The following KCNQ2 variants were observed in gnomAD, a reference collection of about 807,000 sequenced individuals.
KCNQ2 encodes the protein potassium voltage-gated channel subfamily Q member 2, also known as potassium voltage-gated channel subfamily KQT member 2.
KCNQ2 carries 14 observed loss-of-function variants against 84.8 expected under a neutral mutation model. The ratio of observed to expected loss-of-function variants is 0.17; its 90% CI spans 0.11 to 0.26. The LOEUF is 0.26. Among genes scored for constraint, KCNQ2 ranks in the 10% least tolerant of loss-of-function variants. The pLI is 1.00. For missense variants in KCNQ2, 788 were observed against 1,254.0 expected (o/e 0.63, Z 5.61); for synonymous variants, 599 against 554.1 (o/e 1.08, Z -1.14).
In KCNQ2 at chr20:63,425,501, C is replaced by T. The variant is rs1421121991; in HGVS notation, c.1218-1295G>A. 6.6e-6 allele frequency among the ~76,000 whole-genome samples: 1 copy of T among 152,122 alleles called. No individual in the cohort carries two copies. Among genetic ancestry groups the T allele is most frequent in the Non-Finnish European group, 1.5e-5 (1 of 68,028 alleles). Reference sequence around the variant, plus strand: ...TTGGGAGGCCGAGGCGGGTGGATCACCTGAGGTCAGGAGTTCGAGACCAGC... The same window carrying T: ...TTGGGAGGCCGAGGCGGGTGGATCATCTGAGGTCAGGAGTTCGAGACCAGC... On this transcript the variant is annotated intron_variant, in intron 10 of 16. Coordinates refer to ENST00000359125, the MANE Select transcript of KCNQ2 (RefSeq NM_172107.4). This position sits in a 1 kb window ranked among gnomAD's most constrained non-coding sequence, Gnocchi z 5.5.
At chr20:63,462,798 G>A (rs576055972) in intron 1 of KCNQ2, among the ~76,000 whole-genome samples, 14 of 152,312 alleles carry the variant, frequency 9.2e-5, no homozygotes, top group Admixed American at 6.5e-4. Flanking sequence ...GTGAGCGCCC[G>A]ACGGAGCCTA....
chr20:63,450,453 C>A (rs1336774516), intron 1 of KCNQ2, among the ~76,000 whole-genome samples: 1 of 45,342 alleles, frequency 2.2e-5, no homozygotes, highest in Admixed American at 2.7e-4. Context: ...CTGTGGCTGC[C>A]CCATGCAAGG....
chr20:63,453,620 G>A (rs6122121), intron 1 of KCNQ2: 11,956 of 152,664 alleles, frequency 0.078, 1,022 homozygotes, highest in East Asian at 0.47. Context: ...GGGACACAGA[G>A]GGCATCACAC....
chr20:63,449,832 C>CG (rs1479100021), intron 1 of KCNQ2, among the ~76,000 whole-genome samples: 1 of 151,868 alleles, frequency 6.6e-6, no homozygotes, highest in Non-Finnish European at 1.5e-5. Flanking sequence ...GGCACAAACC[C>CG]GGGGCCCCCA....
intron 1 of KCNQ2, among the ~76,000 whole-genome samples, chr20:63,452,387 C>T (rs994722110): frequency 2.0e-5 from 3 of 152,200 alleles, no homozygotes; most frequent in Non-Finnish European, 4.4e-5. Flanking sequence ...CTTTTTCTTC[C>T]GGAAACCTCA....
Position 63,413,612 on chromosome 20 carries a change from T to C in KCNQ2, c.1632-31A>G, listed in dbSNP as rs765625957. 36 of 1,607,528 alleles carry C rather than the reference T, an allele frequency of 2.2e-5. No homozygotes were observed. The Middle Eastern group carries it at 6.6e-4, about 29-fold the overall frequency. ...GGGGGGTGGGTGGGGCTGTGAGCCC[T>C]GGGCCAGAGACCCCCGGCCACAGGC... On this transcript the variant is annotated intron_variant, in intron 14 of 16. Coordinates refer to ENST00000359125, the MANE Select transcript of KCNQ2 (RefSeq NM_172107.4).
At chr20:63,469,706 C>A (rs1056421425) in intron 1 of KCNQ2, among the ~76,000 whole-genome samples, 6 of 152,272 alleles carry the variant, frequency 3.9e-5, no homozygotes, top group African/African-American at 1.2e-4. Context: ...GCCTTCCCCC[C>A]ACTCCCGGCT....
rs552151799 is a variant in KCNQ2 at position 63,407,010 on chromosome 20, C to T, written c.2253G>A (p.Ser751=). ...RIPPPPAHER[S]LSAYGGGNRA... ...GGTTGCCCCCGCCGTAGGCGGACAG[C>T]GACCGCTCGTGGGCAGGCGGCGGCG... Residue 751 remains serine (S), a synonymous_variant, in exon 17 of 17, where the codon TCG becomes TCA. Transcript: ENST00000359125. This position sits in a 1 kb window ranked among gnomAD's most constrained non-coding sequence, Gnocchi z 7.2. 9.6e-5 allele frequency: 147 copies of T among 1,533,148 alleles called. 3 individuals carry two copies. In the South Asian group the frequency reaches 1.4e-3, roughly 15 times the overall value. 95.0% of individuals were successfully genotyped at this position (1,533,148 alleles called of 1,614,324 possible). A position where few individuals can be genotyped will look rare whatever the true frequency, so the allele number is the denominator to read the frequency against.
In KCNQ2 at chr20:63,400,365, C is replaced by T. The variant is rs1014073658; in HGVS notation, c.*6279G>A. On this transcript the variant is annotated 3_prime_UTR_variant, in exon 17 of 17. Coordinates refer to ENST00000359125, the MANE Select transcript of KCNQ2 (RefSeq NM_172107.4). The surrounding 1 kb of genome is among the most constrained non-coding windows in gnomAD (Gnocchi z 8.7). ...GCAAACCCGCACTGGCGCATTCTTA[C>T]GGCTCTGGCATCAACCTGTCCGTGT... 7 of 363,880 alleles carry T rather than the reference C, an allele frequency of 1.9e-5. No individual in the cohort carries two copies. The highest frequency in any genetic ancestry group is 9.3e-5 in the Admixed American group (2 of 21,508). 22.5% of individuals were successfully genotyped at this position (363,880 alleles called of 1,614,324 possible).
chr20:63,417,151 T>C (rs2080323304), intron 12 of KCNQ2, among the ~76,000 whole-genome samples: 1 of 151,844 alleles, frequency 6.6e-6, no homozygotes, highest in Non-Finnish European at 1.5e-5. Context: ...GTGCTCAGAG[T>C]CCTGGTGCTG....
rs1308788043 is a variant in KCNQ2 at position 63,403,676 on chromosome 20, G to A, written c.*2968C>T. The A allele has an allele frequency of 1.3e-5, 2 of 152,372 alleles. No homozygotes were observed. Among genetic ancestry groups the A allele is most frequent in the Admixed American group, 6.5e-5 (1 of 15,288 alleles). 9.4% of individuals were successfully genotyped at this position (152,372 alleles called of 1,614,324 possible). On this transcript the variant is annotated 3_prime_UTR_variant, in exon 17 of 17. Coordinates refer to ENST00000359125, the MANE Select transcript of KCNQ2 (RefSeq NM_172107.4). ...TGTACTGTGCATGGTCTATACAGGTGTGGTCAGTGCACATGTGTGCTATGT... is the reference window on the plus strand; with the variant it reads ...TGTACTGTGCATGGTCTATACAGGTATGGTCAGTGCACATGTGTGCTATGT...
At chr20:63,427,363 C>T (rs993731513) in intron 10 of KCNQ2, among the ~76,000 whole-genome samples, 2 of 152,258 alleles carry the variant, frequency 1.3e-5, no homozygotes, top group Non-Finnish European at 2.9e-5. Flanking sequence ...TTGGCTCACC[C>T]GGTTCTGATG....
chr20:63,414,290 G>A lies in KCNQ2; in HGVS notation c.1526-97C>T, dbSNP rs2080218256. 6 of 863,928 alleles carry A rather than the reference G, an allele frequency of 6.9e-6. No homozygotes were observed. The Admixed American group carries it at 1.2e-4, about 17-fold the overall frequency. The allele number at this position is 863,928 out of a possible 1,614,324, so 53.5% of individuals were successfully genotyped here. ...CACCGGCTAGACAGAGCGCCAGGGA[G>A]CCCCTCGAGGCTCCCTGTGGTGCCC... On this transcript the variant is annotated intron_variant, in intron 13 of 16. Transcript: ENST00000359125. The surrounding 1 kb of genome is among the most constrained non-coding windows in gnomAD (Gnocchi z 6.6).
chr20:63,428,343 C>G, intron 10 of KCNQ2, 24 bp downstream of exon 10: 1 of 1,545,484 alleles, frequency 6.5e-7, no homozygotes, highest in African/African-American at 1.4e-5. Flanking sequence ...GCCCACCCGC[C>G]CCACCTGGAG....
rs966803599 is a variant in KCNQ2, at chr20:63,425,063, G to A, written c.1218-857C>T. Among the ~76,000 whole-genome samples, 4 of 151,580 alleles carry A rather than the reference G, an allele frequency of 2.6e-5. No homozygotes were observed. Among genetic ancestry groups the A allele is most frequent in the Non-Finnish European group, 5.9e-5 (4 of 67,882 alleles). On this transcript the variant is annotated intron_variant, in intron 10 of 16. Transcript: ENST00000359125. The surrounding 1 kb of genome is among the most constrained non-coding windows in gnomAD (Gnocchi z 5.5). ...GGTGTCCTTGGCTTGTGGCTGCACCGCCCCGTCTCTGCCTCCGTCTCTACA... is the reference window on the plus strand; with the variant it reads ...GGTGTCCTTGGCTTGTGGCTGCACCACCCCGTCTCTGCCTCCGTCTCTACA...
At chr20:63,418,599 T>A (rs1194920799) in intron 12 of KCNQ2, among the ~76,000 whole-genome samples, 1 of 152,152 alleles carries the variant, frequency 6.6e-6, no homozygotes, top group Non-Finnish European at 1.5e-5. Flanking sequence ...CCTCAGCCCC[T>A]GCCCTGAGGG....
At chr20:63,433,214 T>C (rs1452292887) in intron 8 of KCNQ2, among the ~76,000 whole-genome samples, 4 of 152,346 alleles carry the variant, frequency 2.6e-5, no homozygotes, top group Non-Finnish European at 5.9e-5. Context: ...CTGCTAGCAC[T>C]GCCTCGACAG....
chr20:63,455,155 G>A (rs1322163047), intron 1 of KCNQ2, among the ~76,000 whole-genome samples: 2 of 152,160 alleles, frequency 1.3e-5, no homozygotes, highest in Admixed American at 6.5e-5. Flanking sequence ...GTGGGAGGAC[G>A]CTGGGAGGAC....
chr20:63,400,856 G>A lies in KCNQ2; in HGVS notation c.*5788C>T, dbSNP rs1053798403. 21 of 398,370 alleles carry A rather than the reference G, an allele frequency of 5.3e-5. No individual in the cohort carries two copies. Among genetic ancestry groups the A allele is most frequent in the African/African-American group, 1.4e-4 (7 of 48,718 alleles). The allele number at this position is 398,370 out of a possible 1,614,324, so 24.7% of individuals were successfully genotyped here. On this transcript the variant is annotated 3_prime_UTR_variant, in exon 17 of 17. Coordinates refer to ENST00000359125, the MANE Select transcript of KCNQ2 (RefSeq NM_172107.4). The surrounding 1 kb of genome is among the most constrained non-coding windows in gnomAD (Gnocchi z 8.7). Reference sequence around the variant, plus strand: ...CTGGAGCCCGTCCCTTGGGCCCCTCGCCCGCCCCACCTGTTCGCAGGGTCC... The same window carrying A: ...CTGGAGCCCGTCCCTTGGGCCCCTCACCCGCCCCACCTGTTCGCAGGGTCC...
Sources: gnomAD v4.1 joint callset for allele counts (sites outside exome capture counted in the v4.1 genomes callset) on GRCh38, gnomAD v4.1.1 for gene constraint, Gnocchi (gnomAD v3.1) non-coding constraint, MANE v1.5 for transcripts, NCBI Gene and HGNC (gene_info 2026-07-23, HGNC 2026-07-21) for gene names.